The following TNIK variants were observed in gnomAD, a reference collection of about 807,000 sequenced individuals.
TNIK encodes TRAF2 and NCK-interacting protein kinase.
In TNIK, 49 loss-of-function variants were observed where a neutral mutation model predicts 191.3. That is an observed-to-expected ratio of 0.26 (90% CI 0.20 to 0.32). The LOEUF is 0.32. Ranked by LOEUF, TNIK falls within the 10% of genes least tolerant of loss-of-function variation. The pLI is 1.00. For missense variants in TNIK, 1,155 were observed against 1,702.3 expected (o/e 0.68, Z 5.66); for synonymous variants, 594 against 600.9 (o/e 0.99, Z 0.17).
chr3:171,406,284 C>G (rs904605388), intron 1 of TNIK, among the ~76,000 whole-genome samples: 2 of 152,142 alleles, frequency 1.3e-5, no homozygotes, highest in African/African-American at 4.8e-5. Flanking sequence ...GATGATGGAA[C>G]TCTGATGCCA....
chr3:171,326,462 GAA>G (rs71634496), intron 2 of TNIK, among the ~76,000 whole-genome samples: 23,175 of 151,800 alleles, frequency 0.15, 2,223 homozygotes, highest in South Asian at 0.28. Context: ...GAAAAAAAAA[GAA>G]AAAAACTCCC....
intron 10 of TNIK, among the ~76,000 whole-genome samples, chr3:171,162,155 T>C (rs938712147): frequency 1.3e-5 from 2 of 149,724 alleles, no homozygotes; most frequent in East Asian, 2.0e-4. Flanking sequence ...GGTGCGGTGG[T>C]TCACGCCTGT....
chr3:171,316,789 ATATTAC>A (rs1754643486), intron 2 of TNIK, among the ~76,000 whole-genome samples: 1 of 151,920 alleles, frequency 6.6e-6, no homozygotes, highest in Non-Finnish European at 1.5e-5. Flanking sequence ...GATAGTTCTT[ATATTAC>A]TATAAGGAGT....
At chr3:171,196,160 T>TA (rs1409290652) in intron 4 of TNIK, among the ~76,000 whole-genome samples, 1 of 152,176 alleles carries the variant, frequency 6.6e-6, no homozygotes, top group East Asian at 1.9e-4. Flanking sequence ...ATACAAATCT[T>TA]ACCACTGGGT....
At chr3:171,066,850 G>T in intron 30 of TNIK, 115 bp from the exon 31 acceptor site, 4 of 1,296,556 alleles carry the variant, frequency 3.1e-6, no homozygotes, top group Non-Finnish European at 3.1e-6. Context: ...TCACCCTAAA[G>T]ACTGAAATTT....
chr3:171,176,916 G>T (rs1736028710), intron 8 of TNIK, among the ~76,000 whole-genome samples: 1 of 152,208 alleles, frequency 6.6e-6, no homozygotes. Flanking sequence ...ATTTTAAGAG[G>T]AGTGATAGCC....
chr3:171,185,321 C>T (rs1471916878), intron 7 of TNIK, among the ~76,000 whole-genome samples: 1 of 151,940 alleles, frequency 6.6e-6, no homozygotes, highest in East Asian at 1.9e-4. Context: ...AATAAATACA[C>T]AGGACTATAA....
At chr3:171,217,328 A>T (rs1313740992) in intron 3 of TNIK, among the ~76,000 whole-genome samples, 1 of 152,166 alleles carries the variant, frequency 6.6e-6, no homozygotes, top group East Asian at 1.9e-4. Flanking sequence ...GTTCTCACTT[A>T]TGAATGGGTG....
At position 171,366,506 on chromosome 3, in the gene TNIK, TTTTA is replaced by T. The variant is rs568436799; in HGVS notation, c.123+3110_123+3113del. Among the ~76,000 whole-genome samples, 105 of 152,246 alleles carry T rather than the reference TTTTA, an allele frequency of 6.9e-4. No individual in the cohort carries two copies. The highest frequency in any genetic ancestry group is 2.4e-3 in the African/African-American group (99 of 41,574). ...TGTTCTCTGAATACCTACATATACT[TTTTA>T]TTTATTATATTAAGTATGTTTCTTT... On this transcript the variant is annotated intron_variant, in intron 2 of 32. Coordinates refer to ENST00000436636, the MANE Select transcript of TNIK (RefSeq NM_015028.4). This position sits in a 1 kb window ranked among gnomAD's most constrained non-coding sequence, Gnocchi z 4.1.
At chr3:171,139,743 A>C (rs1730551114) in intron 13 of TNIK, among the ~76,000 whole-genome samples, 187 bp from the exon 14 acceptor site, 1 of 152,222 alleles carries the variant, frequency 6.6e-6, no homozygotes, top group Admixed American at 6.5e-5. Flanking sequence ...ACATAATGAA[A>C]AGCACAAGCC....
At chr3:171,326,688 TA>T (rs201939236) in intron 2 of TNIK, among the ~76,000 whole-genome samples, 17 of 150,824 alleles carry the variant, frequency 1.1e-4, no homozygotes, top group South Asian at 6.3e-4. Context: ...ACAATTCACT[TA>T]AAAAAAAAAT....
At chr3:171,419,098 T>C (rs1723434206) in intron 1 of TNIK, among the ~76,000 whole-genome samples, 1 of 152,186 alleles carries the variant, frequency 6.6e-6, no homozygotes, top group South Asian at 2.1e-4. Context: ...TTAACCATTA[T>C]CACTTCTTCA....
At chr3:171,117,137 T>C (rs1726848244) in intron 18 of TNIK, among the ~76,000 whole-genome samples, 1 of 152,128 alleles carries the variant, frequency 6.6e-6, no homozygotes, top group African/African-American at 2.4e-5. Context: ...AGGTAGTAAA[T>C]ATCGCAACAT....
At chr3:171,421,861 A>C (rs1275036395) in intron 1 of TNIK, among the ~76,000 whole-genome samples, 1 of 150,080 alleles carries the variant, frequency 6.7e-6, no homozygotes, top group Non-Finnish European at 1.5e-5. Flanking sequence ...CCTCCCGAGT[A>C]GCTGGGACTA....
At chr3:171,073,297 G>A (rs955652408) in intron 28 of TNIK, among the ~76,000 whole-genome samples, 3 of 151,920 alleles carry the variant, frequency 2.0e-5, no homozygotes, top group African/African-American at 7.2e-5. Context: ...TAAACAATGA[G>A]GAAAGGACAC....
intron 1 of TNIK, among the ~76,000 whole-genome samples, chr3:171,419,244 C>T (rs930468132): frequency 5.3e-5 from 8 of 152,060 alleles, no homozygotes; most frequent in African/African-American, 1.7e-4. Context: ...GTGAAAGAAG[C>T]CAGTCACAAA....
intron 4 of TNIK, among the ~76,000 whole-genome samples, chr3:171,201,079 C>T (rs1299207059): frequency 6.6e-6 from 1 of 152,104 alleles, no homozygotes; most frequent in South Asian, 2.1e-4. Flanking sequence ...GAAGGGTTTG[C>T]ACCAAGCAGT....
intron 12 of TNIK, among the ~76,000 whole-genome samples, chr3:171,149,189 A>T (rs1732075483): frequency 6.6e-6 from 1 of 152,232 alleles, no homozygotes; most frequent in African/African-American, 2.4e-5. Context: ...GACTAGATGT[A>T]ATAAAGGTGG....
chr3:171,212,064 A>C (rs1371950420), intron 3 of TNIK, among the ~76,000 whole-genome samples: 1 of 152,038 alleles, frequency 6.6e-6, no homozygotes, highest in Non-Finnish European at 1.5e-5. Context: ...TGGGGGAGAA[A>C]GTTTCTACCT....
Sources: allele counts gnomAD v4.1 joint callset (sites outside exome capture counted in the v4.1 genomes callset), GRCh38; gene constraint gnomAD v4.1.1; non-coding constraint Gnocchi (gnomAD v3.1); transcripts MANE v1.5; gene names NCBI Gene and HGNC (gene_info 2026-07-23, HGNC 2026-07-21).